The following SSBP3 variants were observed in gnomAD, a reference collection of about 807,000 sequenced individuals.
The protein encoded by SSBP3 is single stranded DNA binding protein 3, also known as single-stranded DNA-binding protein 3.
In SSBP3, 5 loss-of-function variants were observed where a neutral mutation model predicts 69.6. The ratio of observed to expected loss-of-function variants is 0.07; its 90% CI spans 0.04 to 0.15. SSBP3 has a LOEUF of 0.15. SSBP3 is among the 10% of genes least tolerant of loss of function. SSBP3 has a pLI of 1.00. For missense variants in SSBP3, 312 were observed against 534.0 expected, an observed-to-expected ratio of 0.58 and a Z score of 4.10; for synonymous variants, 196 against 193.4, an observed-to-expected ratio of 1.01 and a Z score of -0.11.
intron 4 of SSBP3, among the ~76,000 whole-genome samples, chr1:54,298,248 T>TAGGTCTGGGG: frequency 6.6e-6 from 1 of 152,228 alleles, no homozygotes; most frequent in South Asian, 2.1e-4. Context: ...GTAAGCTGAT[T>TAGGTCTGGGG]AGGTCTGGGG....
chr1:54,268,578 T>C (rs1191592932), intron 5 of SSBP3, among the ~76,000 whole-genome samples: 9 of 152,202 alleles, frequency 5.9e-5, no homozygotes, highest in South Asian at 2.1e-4. Flanking sequence ...TCAACCCCAA[T>C]TGCCCACTGA....
chr1:54,355,634 G>A (rs1646851081), intron 4 of SSBP3, among the ~76,000 whole-genome samples: 1 of 152,064 alleles, frequency 6.6e-6, no homozygotes, highest in South Asian at 2.1e-4. Flanking sequence ...CAGGTGTTGA[G>A]CCACCGCGTC....
chr1:54,348,988 G>T (rs369102270), intron 4 of SSBP3, among the ~76,000 whole-genome samples: 4 of 152,344 alleles, frequency 2.6e-5, no homozygotes, highest in Non-Finnish European at 5.9e-5. Context: ...TGACCAGCAA[G>T]CTGCTGCTCT....
In SSBP3 at chr1:54,278,931, A is replaced by T. The variant is rs1183487039; in HGVS notation, c.366+2507T>A. Among the ~76,000 whole-genome samples, 3 of 152,354 alleles carry T rather than the reference A, an allele frequency of 2.0e-5. No individual in the cohort carries two copies. In the South Asian group the frequency reaches 6.2e-4, roughly 32 times the overall value. On this transcript the variant is annotated intron_variant, in intron 5 of 17. Coordinates refer to ENST00000610401, the Ensembl canonical transcript of SSBP3. Reference sequence around the variant, plus strand: ...ATCAATAGCTAATATTCCTGTTGTAAGCAGGCCTACTCCGGAAATGGGCAG... The same window carrying T: ...ATCAATAGCTAATATTCCTGTTGTATGCAGGCCTACTCCGGAAATGGGCAG...
chr1:54,312,711 G>A (rs1419894692), intron 4 of SSBP3, among the ~76,000 whole-genome samples: 1 of 152,136 alleles, frequency 6.6e-6, no homozygotes, highest in Non-Finnish European at 1.5e-5. Context: ...AAGTCCTGAG[G>A]CCAGTGTTCA....
chr1:54,264,810 T>G (rs926216568), intron 5 of SSBP3, among the ~76,000 whole-genome samples: 3 of 152,094 alleles, frequency 2.0e-5, no homozygotes, highest in African/African-American at 7.2e-5. Context: ...GGTTTTAGGT[T>G]GTTAAGAGAT....
intron 14 of SSBP3, among the ~76,000 whole-genome samples, chr1:54,232,802 C>G (rs1644404259): frequency 2.0e-5 from 3 of 152,228 alleles, no homozygotes; most frequent in Non-Finnish European, 4.4e-5. Context: ...CGGGCCGTCT[C>G]CAGCCCCTAA....
At chr1:54,263,160 G>C (rs1427608125) in intron 5 of SSBP3, among the ~76,000 whole-genome samples, 1 of 152,166 alleles carries the variant, frequency 6.6e-6, no homozygotes, top group Non-Finnish European at 1.5e-5. Context: ...GACACTGATG[G>C]TTAGTGAAAA....
At chr1:54,283,512 C>T (rs573702749) in intron 4 of SSBP3, among the ~76,000 whole-genome samples, 2 of 152,326 alleles carry the variant, frequency 1.3e-5, no homozygotes, top group African/African-American at 4.8e-5. Flanking sequence ...TGTTGTCCCA[C>T]GTCCTCACCA....
At chr1:54,243,118 G>A in intron 10 of SSBP3, 117 bp downstream of exon 10, 1 of 894,444 alleles carries the variant, frequency 1.1e-6, no homozygotes, top group Non-Finnish European at 1.9e-6. Context: ...CCGATGAGGA[G>A]ACTGAGGTCC....
At chr1:54,397,207 C>T (rs533065626) in intron 4 of SSBP3, among the ~76,000 whole-genome samples, 4 of 152,374 alleles carry the variant, frequency 2.6e-5, no homozygotes, top group Non-Finnish European at 5.9e-5. Flanking sequence ...GCACACTCCC[C>T]CAGCTCTTTG....
intron 5 of SSBP3, among the ~76,000 whole-genome samples, chr1:54,271,344 G>A (rs1176624747): frequency 1.3e-5 from 2 of 152,194 alleles, no homozygotes; most frequent in African/African-American, 4.8e-5. Flanking sequence ...CTGGCTGCAA[G>A]CGATCCTCCT....
At chr1:54,410,097 GATC>G (rs1432342207), upstream of SSBP3, among the ~76,000 whole-genome samples, 2 of 152,222 alleles carry the variant, frequency 1.3e-5, no homozygotes, top group African/African-American at 4.8e-5. Context: ...GTCAGGGAAT[GATC>G]ATCATTTTCT....
chr1:54,255,167 G>A (rs544909926), intron 7 of SSBP3, among the ~76,000 whole-genome samples: 9 of 140,656 alleles, frequency 6.4e-5, no homozygotes, highest in Admixed American at 4.2e-4. Context: ...GCGGGGGGGG[G>A]GGTGGTTGGC....
At chr1:54,244,058 T>C (rs999885747) in intron 9 of SSBP3, among the ~76,000 whole-genome samples, 2 of 151,872 alleles carry the variant, frequency 1.3e-5, no homozygotes, top group East Asian at 2.0e-4. Context: ...GCCTCTCATG[T>C]AGTTGGGACT....
intron 4 of SSBP3, among the ~76,000 whole-genome samples, chr1:54,341,675 G>A (rs907746169): frequency 1.3e-5 from 2 of 151,552 alleles, no homozygotes; most frequent in African/African-American, 4.9e-5. Flanking sequence ...TGGTTGTGGA[G>A]GAAACATGTA....
rs144048817 is a variant in SSBP3, at chr1:54,341,645, A to G, written c.277-60118T>C. Among the ~76,000 whole-genome samples the G allele has an allele frequency of 1.2e-4, 18 of 152,136 alleles. No individual in the cohort carries two copies. The East Asian group carries it at 2.5e-3, about 21-fold the overall frequency. ...GAGCTTAATTGCTACCTGCCGTAAA[A>G]TATGTTAATTCCTTTATTATGGTTG... On this transcript the variant is annotated intron_variant, in intron 4 of 17. Transcript: ENST00000610401.
chr1:54,281,515 C>T, exon 5 of SSBP3: 1 of 1,563,132 alleles, frequency 6.4e-7, no homozygotes, highest in Non-Finnish European at 8.7e-7. Flanking sequence ...GGGCTCGGGG[C>T]AGCTGCTGCA....
rs1305318308 is a variant in SSBP3 at position 54,258,917 on chromosome 1, AG to A, written c.367-769del. On this transcript the variant is annotated intron_variant, in intron 5 of 17. Transcript: ENST00000610401. The surrounding 1 kb of genome is among the most constrained non-coding windows in gnomAD (Gnocchi z 4.5). ...GAGGAATCTAAGTCTCGAGGGATGAAGGAACTTGGCCATGGCCATAAAACTG... is the reference window on the plus strand; with the variant it reads ...GAGGAATCTAAGTCTCGAGGGATGAAGAACTTGGCCATGGCCATAAAACTG... Among the ~76,000 whole-genome samples the A allele has an allele frequency of 6.6e-6, 1 of 152,202 alleles. No homozygotes were observed. The highest frequency in any genetic ancestry group is 2.4e-5 in the African/African-American group (1 of 41,440).
Sources: allele counts gnomAD v4.1 joint callset (sites outside exome capture counted in the v4.1 genomes callset), GRCh38; gene constraint gnomAD v4.1.1; non-coding constraint Gnocchi (gnomAD v3.1); transcripts MANE v1.5; gene names NCBI Gene and HGNC (gene_info 2026-07-23, HGNC 2026-07-21).